The following GNG2 variants were observed in gnomAD, a reference collection of about 807,000 sequenced individuals.
GNG2 encodes the protein G protein subunit gamma 2.
A neutral mutation model predicts 5.5 loss-of-function variants in GNG2; 5 were observed. The observed-to-expected ratio is 0.91, with a 90% CI of 0.48 to 1.92. The LOEUF is 1.92. Ranked by LOEUF, GNG2 falls within the 30% of genes most tolerant of loss-of-function variation. The probability of loss-of-function intolerance (pLI) is 0.01; values close to 1 mark genes in which losing one functional copy is unlikely to be tolerated. For synonymous variants in GNG2, 28 were observed against 32.0 expected, an observed-to-expected ratio of 0.88 and a Z score of 0.42; for missense variants, 55 against 88.4, an observed-to-expected ratio of 0.62 and a Z score of 1.52.
At chr14:51,904,521 G>T (rs371762124) in intron 2 of GNG2, among the ~76,000 whole-genome samples, 2 of 152,142 alleles carry the variant, frequency 1.3e-5, no homozygotes, top group East Asian at 3.8e-4. Context: ...GAACTGCCCT[G>T]GCCCACCCAC....
chr14:51,909,521 G>T (rs990435525), intron 2 of GNG2, among the ~76,000 whole-genome samples: 1 of 152,178 alleles, frequency 6.6e-6, no homozygotes, highest in Non-Finnish European at 1.5e-5. Context: ...AAGGCATGGT[G>T]TTGTACTTGG....
chr14:51,935,024 TC>T (rs199963926), intron 2 of GNG2, among the ~76,000 whole-genome samples: 50,540 of 123,716 alleles, frequency 0.41, 11,714 homozygotes, highest in Non-Finnish European at 0.45. Context: ...CCAGTTTCTT[TC>T]TTTTTTTTTT....
intron 2 of GNG2, among the ~76,000 whole-genome samples, chr14:51,910,245 C>T (rs1886214607): frequency 6.6e-6 from 1 of 152,094 alleles, no homozygotes. Context: ...AAGAGAGTTG[C>T]TGGTAGAGTC....
chr14:51,872,779 A>G (rs1883396577), intron 1 of GNG2, among the ~76,000 whole-genome samples: 1 of 152,240 alleles, frequency 6.6e-6, no homozygotes, highest in Non-Finnish European at 1.5e-5. Flanking sequence ...GAAGCAGTGC[A>G]CTGTTCTCCA....
intron 2 of GNG2, chr14:51,841,704 A>G (rs1242207307): frequency 3.4e-6 from 2 of 595,816 alleles, no homozygotes; most frequent in Non-Finnish European, 6.0e-6. Flanking sequence ...ATCACTTTGT[A>G]GGAAATAGGA....
rs191955802 is a variant in GNG2 at position 51,865,221 on chromosome 14, C to T, written c.-71+4431C>T. On this transcript the variant is annotated intron_variant, in intron 1 of 3. Coordinates refer to ENST00000556766, the MANE Select transcript of GNG2 (RefSeq NM_053064.5). ...GACCCCTAATTTTATTTAATGTGCA[C>T]ATCTATTCATTCTACAATTACTGGG... Among the ~76,000 whole-genome samples the T allele has an allele frequency of 4.6e-5, 7 of 152,172 alleles. No homozygotes were observed. The East Asian group carries it at 1.4e-3, about 29-fold the overall frequency.
chr14:51,872,310 T>G (rs1298222315), intron 1 of GNG2, among the ~76,000 whole-genome samples: 1 of 149,876 alleles, frequency 6.7e-6, no homozygotes, highest in African/African-American at 2.5e-5. Flanking sequence ...AATGACTATT[T>G]TGTGTGTGTG....
intron 3 of GNG2, among the ~76,000 whole-genome samples, chr14:51,955,981 C>T (rs1391013035): frequency 1.3e-5 from 2 of 152,130 alleles, no homozygotes; most frequent in Non-Finnish European, 2.9e-5. Context: ...AGACGCCATC[C>T]TTGGAACTAG....
At chr14:51,935,258 C>G (rs1887920138) in intron 2 of GNG2, among the ~76,000 whole-genome samples, 2 of 151,966 alleles carry the variant, frequency 1.3e-5, no homozygotes, top group South Asian at 4.2e-4. Flanking sequence ...ATCTCCTGAC[C>G]TCCTGATCCG....
chr14:51,925,300 CAT>C (rs1460595533), intron 2 of GNG2, among the ~76,000 whole-genome samples: 2 of 152,072 alleles, frequency 1.3e-5, no homozygotes, highest in African/African-American at 4.8e-5. Flanking sequence ...TACAATATAA[CAT>C]ATATGTCAGT....
chr14:51,892,416 G>T, intron 2 of GNG2, among the ~76,000 whole-genome samples: 1 of 151,872 alleles, frequency 6.6e-6, no homozygotes, highest in African/African-American at 2.4e-5. Flanking sequence ...GGTTCAAGCG[G>T]TTCTCCTGCC....
intron 2 of GNG2, among the ~76,000 whole-genome samples, chr14:51,886,969 G>A (rs1884501296): frequency 6.6e-6 from 1 of 152,174 alleles, no homozygotes. Context: ...TGAAGGAATG[G>A]CAGTATTTCC....
intron 2 of GNG2, among the ~76,000 whole-genome samples, chr14:51,836,576 C>G (rs1392151591): frequency 1.3e-5 from 2 of 151,984 alleles, no homozygotes; most frequent in Non-Finnish European, 2.9e-5. Context: ...AGTGTCCTCT[C>G]CCCTCACCAC....
chr14:51,866,953 C>T (rs1278694214), intron 1 of GNG2, among the ~76,000 whole-genome samples: 3 of 152,198 alleles, frequency 2.0e-5, no homozygotes, highest in Non-Finnish European at 4.4e-5. Flanking sequence ...TATCCCATTC[C>T]CTTTTACTTT....
intron 2 of GNG2, among the ~76,000 whole-genome samples, chr14:51,942,606 T>TTTTTTTG: frequency 6.9e-6 from 1 of 145,832 alleles, no homozygotes; most frequent in African/African-American, 2.6e-5. Context: ...TTTTTTTTTT[T>TTTTTTTG]AGAGACAGGG....
intron 2 of GNG2, chr14:51,841,365 C>T: frequency 2.2e-6 from 1 of 462,690 alleles, no homozygotes; most frequent in East Asian, 3.1e-5. Flanking sequence ...AATATTTGAC[C>T]AGGTTTGGGA....
chr14:51,906,461 G>A (rs1885922951), intron 2 of GNG2, among the ~76,000 whole-genome samples: 1 of 152,122 alleles, frequency 6.6e-6, no homozygotes, highest in African/African-American at 2.4e-5. Flanking sequence ...GGATTAGAAT[G>A]CCATTATATC....
intron 1 of GNG2, among the ~76,000 whole-genome samples, chr14:51,872,716 A>G (rs951565052): frequency 6.6e-6 from 1 of 152,228 alleles, no homozygotes; most frequent in Non-Finnish European, 1.5e-5. Context: ...GTTATAAACA[A>G]TGGTGCTTAG....
chr14:51,907,265 T>C (rs538277522), intron 2 of GNG2, among the ~76,000 whole-genome samples: 2 of 152,346 alleles, frequency 1.3e-5, no homozygotes, highest in South Asian at 4.1e-4. Flanking sequence ...ATTTGTGAAG[T>C]GCTGATTCAT....
Sources: gnomAD v4.1 joint callset for allele counts (sites outside exome capture counted in the v4.1 genomes callset) on GRCh38, gnomAD v4.1.1 for gene constraint, MANE v1.5 for transcripts, NCBI Gene and HGNC (gene_info 2026-07-23, HGNC 2026-07-21) for gene names.